The following DKK3 variants were observed in gnomAD, a reference collection of about 807,000 sequenced individuals.
DKK3 encodes the protein dickkopf Wnt signaling pathway inhibitor 3, also known as dickkopf-related protein 3.
A neutral mutation model predicts 33.2 loss-of-function variants in DKK3; 22 were observed. The ratio of observed to expected loss-of-function variants is 0.66; its 90% CI spans 0.47 to 0.95. The LOEUF (loss-of-function observed/expected upper bound fraction) is 0.95, where lower values mean the gene tolerates loss of function less well. Ranked by LOEUF, DKK3 falls within the 40% of genes least tolerant of loss-of-function variation. The pLI is 0.00. For synonymous variants in DKK3, 194 were observed against 188.8 expected (o/e 1.03, Z -0.23); for missense variants, 398 against 458.4 (o/e 0.87, Z 1.20).
intron 3 of DKK3, chr11:11,994,857 T>C: frequency 6.6e-6 from 1 of 152,184 alleles, no homozygotes; most frequent in East Asian, 1.9e-4. Flanking sequence ...GGTCACGGCT[T>C]AACACCCCAT....
intron 3 of DKK3, among the ~76,000 whole-genome samples, chr11:11,992,778 T>C (rs1848213247): frequency 6.6e-6 from 1 of 152,198 alleles, no homozygotes; most frequent in Non-Finnish European, 1.5e-5. Flanking sequence ...ATAAACAAGG[T>C]GCCATGCTCG....
At chr11:11,993,928 T>A (rs897989054) in intron 3 of DKK3, among the ~76,000 whole-genome samples, 2 of 152,192 alleles carry the variant, frequency 1.3e-5, no homozygotes, top group Non-Finnish European at 2.9e-5. Flanking sequence ...GTCGTTCATT[T>A]TGACCTATCC....
At chr11:11,990,699 A>C (rs1299796556) in intron 3 of DKK3, among the ~76,000 whole-genome samples, 1 of 152,132 alleles carries the variant, frequency 6.6e-6, no homozygotes, top group Non-Finnish European at 1.5e-5. Flanking sequence ...TCCCCCACGC[A>C]CATCTCCAGC....
intron 3 of DKK3, among the ~76,000 whole-genome samples, chr11:11,997,725 C>G (rs1296335507): frequency 6.6e-6 from 1 of 152,168 alleles, no homozygotes; most frequent in African/African-American, 2.4e-5. Context: ...GGACCCCCAG[C>G]CTGCTGTAAA....
At chr11:11,977,908 T>G (rs1438529476) in intron 3 of DKK3, among the ~76,000 whole-genome samples, 3 of 152,212 alleles carry the variant, frequency 2.0e-5, no homozygotes, top group Non-Finnish European at 4.4e-5. Context: ...TTAAAGGAGA[T>G]TTAGCCAAAT....
chr11:11,981,512 C>T (rs749385466), intron 3 of DKK3, among the ~76,000 whole-genome samples: 5 of 152,190 alleles, frequency 3.3e-5, no homozygotes, highest in Middle Eastern at 3.2e-3. Flanking sequence ...GCCCAGAACA[C>T]GGTGCATCCA....
intron 3 of DKK3, among the ~76,000 whole-genome samples, chr11:11,971,046 T>G (rs76203620): frequency 6.6e-6 from 1 of 152,044 alleles, no homozygotes; most frequent in African/African-American, 2.4e-5. Context: ...TTTTTTTTTT[T>G]TGCAGGCAAT....
At chr11:12,004,083 G>C (rs1453183566) in intron 1 of DKK3, among the ~76,000 whole-genome samples, 1 of 152,222 alleles carries the variant, frequency 6.6e-6, no homozygotes, top group Non-Finnish European at 1.5e-5. Flanking sequence ...GACTATGTCT[G>C]AATCGTTGCA....
In DKK3 at chr11:12,002,511, AT is replaced by A. The variant is rs762817673; in HGVS notation, c.214-75del. 369 of 1,447,218 alleles carry A rather than the reference AT, an allele frequency of 2.5e-4. 1 individual carries two copies. Among genetic ancestry groups the A allele is most frequent in the Non-Finnish European group, 3.2e-4 (337 of 1,057,318 alleles). The allele number at this position is 1,447,218 out of a possible 1,614,324, so 89.6% of individuals were successfully genotyped here. A position where few individuals can be genotyped will look rare whatever the true frequency, so the allele number is the denominator to read the frequency against. The stretch of plus-strand genomic sequence containing the variant: ...AATGGGAGTCTATTAGAAAAAAAAA[AT>A]CTCTTTTCCTCTTCTGCAATTACAA... On this transcript the variant is annotated intron_variant, in intron 1 of 6. Coordinates refer to ENST00000683431, the MANE Select transcript of DKK3 (RefSeq NM_001018057.2).
chr11:12,004,909 AGCTT>A (rs1206324028), intron 1 of DKK3, among the ~76,000 whole-genome samples: 1 of 152,230 alleles, frequency 6.6e-6, no homozygotes, highest in Non-Finnish European at 1.5e-5. Context: ...GTGTTTGAAG[AGCTT>A]GCCAACAAAG....
chr11:12,008,737 G>A, upstream of DKK3: 1 of 1,204,692 alleles, frequency 8.3e-7, no homozygotes, highest in Non-Finnish European at 1.0e-6. This position sits in a 1 kb window ranked among gnomAD's most constrained non-coding sequence, Gnocchi z 4.6. Context: ...GAGACGGGAG[G>A]AAACCGAGGC....
intron 1 of DKK3, among the ~76,000 whole-genome samples, chr11:12,002,937 G>C (rs756928513): frequency 1.4e-4 from 22 of 152,276 alleles, no homozygotes; most frequent in Non-Finnish European, 2.8e-4. Context: ...AAGTGCTAGG[G>C]AGTTAACATC....
intron 5 of DKK3, 148 bp downstream of exon 5, chr11:11,966,806 G>C (rs1847607350): frequency 9.2e-7 from 1 of 1,091,028 alleles, no homozygotes; most frequent in African/African-American, 1.6e-5. Context: ...GAGGCTGTGG[G>C]AGTGCAGCAC....
chr11:12,002,405 T>C lies in DKK3; in HGVS notation c.246A>G (p.Ser82=). ...MEAEEAAAKA[S]SEVNLANLPP... Reference sequence around the variant, plus strand: ...GTAAGTTTGCCAGGTTCACTTCTGATGATGCTTTAGCAGCAGCTTCTTCTG... The same window carrying C: ...GTAAGTTTGCCAGGTTCACTTCTGACGATGCTTTAGCAGCAGCTTCTTCTG... Residue 82 remains serine (S), a synonymous_variant, in exon 2 of 7, where the codon TCA becomes TCG. Transcript: ENST00000683431. The C allele has an allele frequency of 1.9e-6, 3 of 1,614,096 alleles. No homozygotes were observed. The highest frequency in any genetic ancestry group is 2.5e-6 in the Non-Finnish European group (3 of 1,180,002).
At position 11,968,418 on chromosome 11, in the gene DKK3, G is replaced by A; in HGVS notation, c.505C>T (p.Gln169Ter). 1 of 1,613,236 alleles carries A rather than the reference G, an allele frequency of 6.2e-7. No individual in the cohort carries two copies. The highest frequency in any genetic ancestry group is 8.5e-7 in the Non-Finnish European group (1 of 1,179,544). The change falls in exon 4 of 7, where the codon CAG (glutamine) becomes TAG (stop). Residue 169 changes from glutamine (Q) to a stop codon, truncating the protein, a stop_gained. Transcript: ENST00000683431. LOFTEE classifies it high-confidence loss of function. ...CQFASFQYTC[Q>*]PCRGQRMLCT... ...ACCATCCTCTGGCCCCGGCATGGCT[G>A]GCAGGTGTACTGGAAGCTGGCAAAC...
Position 11,990,136 on chromosome 11 carries a change from G to C in DKK3, c.435+8560C>G, listed in dbSNP as rs188001738. ...AGGATACAAAGACCCTATGGTGAAA[G>C]TTATCCAGGCTTGTCTGGAAGAATC... On this transcript the variant is annotated intron_variant, in intron 3 of 6. Coordinates refer to ENST00000683431, the MANE Select transcript of DKK3 (RefSeq NM_001018057.2). Among the ~76,000 whole-genome samples the C allele has an allele frequency of 2.6e-5, 4 of 152,338 alleles. No individual in the cohort carries two copies. The East Asian group carries it at 7.7e-4, about 29-fold the overall frequency.
At chr11:11,995,785 C>A (rs1454365845) in intron 3 of DKK3, among the ~76,000 whole-genome samples, 1 of 152,250 alleles carries the variant, frequency 6.6e-6, no homozygotes. Context: ...GCAAGTGCAG[C>A]ACAAAAGCCT....
chr11:11,982,094 A>G (rs1033857534), intron 3 of DKK3, among the ~76,000 whole-genome samples: 1 of 152,052 alleles, frequency 6.6e-6, no homozygotes, highest in African/African-American at 2.4e-5. Flanking sequence ...GGCCTCTTTT[A>G]AAAAATAAGC....
chr11:11,998,895 C>T (rs142099997), intron 2 of DKK3, 116 bp from the exon 3 acceptor site: 18 of 861,650 alleles, frequency 2.1e-5, no homozygotes, highest in African/African-American at 1.3e-4. Context: ...GTATAGGAGT[C>T]GAAATGCCCA....
Sources: gnomAD v4.1 joint callset for allele counts (sites outside exome capture counted in the v4.1 genomes callset) on GRCh38, gnomAD v4.1.1 for gene constraint, Gnocchi (gnomAD v3.1) non-coding constraint, MANE v1.5 for transcripts, NCBI Gene and HGNC (gene_info 2026-07-23, HGNC 2026-07-21) for gene names.